The following BAIAP2L1 variants were observed in gnomAD, a reference collection of about 807,000 sequenced individuals.
The protein encoded by BAIAP2L1 is BAR/IMD domain containing adaptor protein 2 like 1.
In BAIAP2L1, 35 loss-of-function variants were observed where a neutral mutation model predicts 66.3. The ratio of observed to expected loss-of-function variants is 0.53; its 90% confidence interval spans 0.40 to 0.70. BAIAP2L1 has a LOEUF of 0.70. Ranked by LOEUF, BAIAP2L1 falls within the 30% of genes least tolerant of loss-of-function variation. The pLI, the probability that BAIAP2L1 is intolerant of heterozygous loss-of-function variation, is 0.00. For synonymous variants in BAIAP2L1, 269 were observed against 248.7 expected, an observed-to-expected ratio of 1.08 and a Z score of -0.77; for missense variants, 622 against 656.9, an observed-to-expected ratio of 0.95 and a Z score of 0.58.
intron 3 of BAIAP2L1, 81 bp downstream of exon 3, chr7:98,354,961 G>C (rs973611001): frequency 2.9e-6 from 3 of 1,032,682 alleles, no homozygotes; most frequent in African/African-American, 1.6e-5. Context: ...CCTCTGTTCT[G>C]GACTGGGCCA....
chr7:98,346,885 C>T (rs1007084061), intron 3 of BAIAP2L1, among the ~76,000 whole-genome samples: 1 of 152,118 alleles, frequency 6.6e-6, no homozygotes, highest in Non-Finnish European at 1.5e-5. Flanking sequence ...CTTTGTGGCA[C>T]TGGATGAACG....
chr7:98,304,476 T>C (rs993344401), intron 11 of BAIAP2L1, 100 bp from the exon 12 acceptor site: 1 of 1,168,750 alleles, frequency 8.6e-7, no homozygotes. Flanking sequence ...TAATAGTACA[T>C]CACCAATCAA....
intron 13 of BAIAP2L1, 75 bp downstream of exon 13, chr7:98,293,999 C>G: frequency 6.6e-7 from 1 of 1,526,658 alleles, no homozygotes; most frequent in Non-Finnish European, 9.1e-7. Context: ...GGCTGGGCAC[C>G]GAAGGCCCTT....
At chr7:98,397,853 C>T (rs971480354) in intron 1 of BAIAP2L1, among the ~76,000 whole-genome samples, 2 of 152,048 alleles carry the variant, frequency 1.3e-5, no homozygotes, top group African/African-American at 4.8e-5. Context: ...CATTTTGGGG[C>T]TTATAACATC....
intron 1 of BAIAP2L1, among the ~76,000 whole-genome samples, chr7:98,380,823 C>G (rs918254547): frequency 7.0e-6 from 1 of 142,170 alleles, no homozygotes; most frequent in Non-Finnish European, 1.5e-5. Context: ...AACCACCCAA[C>G]CCCCGCCCCA....
At chr7:98,389,579 C>T (rs1176911190) in intron 1 of BAIAP2L1, among the ~76,000 whole-genome samples, 9 of 152,202 alleles carry the variant, frequency 5.9e-5, no homozygotes, top group East Asian at 1.9e-4. Flanking sequence ...TGTCAGCCTC[C>T]GAAACTGCTG....
chr7:98,388,188 T>C (rs1033091108), intron 1 of BAIAP2L1, among the ~76,000 whole-genome samples: 2 of 152,208 alleles, frequency 1.3e-5, no homozygotes, highest in East Asian at 1.9e-4. Flanking sequence ...CTGCGTTTAA[T>C]CTTCACAGCA....
intron 1 of BAIAP2L1, among the ~76,000 whole-genome samples, chr7:98,391,914 T>C (rs1427476239): frequency 6.6e-6 from 1 of 152,112 alleles, no homozygotes; most frequent in African/African-American, 2.4e-5. Flanking sequence ...TATGCCTAGT[T>C]ATTAATAGGC....
chr7:98,387,394 C>T (rs888080007), intron 1 of BAIAP2L1, among the ~76,000 whole-genome samples: 3 of 152,116 alleles, frequency 2.0e-5, no homozygotes, highest in African/African-American at 7.2e-5. Flanking sequence ...AAGCTCAGCC[C>T]GTACCTAACA....
intron 5 of BAIAP2L1, 92 bp from the exon 6 acceptor site, chr7:98,317,448 C>G (rs140624061): frequency 2.0e-6 from 3 of 1,496,936 alleles, no homozygotes; most frequent in Non-Finnish European, 2.7e-6. Context: ...GTGTGTGGCT[C>G]AACGGGGCCC....
intron 3 of BAIAP2L1, among the ~76,000 whole-genome samples, chr7:98,349,317 G>C (rs1428221757): frequency 6.6e-6 from 1 of 152,168 alleles, no homozygotes; most frequent in Non-Finnish European, 1.5e-5. Flanking sequence ...GACACATCCG[G>C]AGACCCGTGT....
chr7:98,346,831 AATT>A (rs1801881786), intron 3 of BAIAP2L1, among the ~76,000 whole-genome samples: 1 of 152,206 alleles, frequency 6.6e-6, no homozygotes, highest in Admixed American at 6.5e-5. Flanking sequence ...ACGTAGATGG[AATT>A]AGAGAAGAAA....
chr7:98,365,556 G>A (rs570742911), intron 1 of BAIAP2L1, among the ~76,000 whole-genome samples: 6 of 152,184 alleles, frequency 3.9e-5, no homozygotes, highest in Admixed American at 6.5e-5. Flanking sequence ...CTACAACCTC[G>A]GCCTCCCAGG....
chr7:98,318,690 A>T (rs1465079019), intron 5 of BAIAP2L1, among the ~76,000 whole-genome samples: 1 of 151,274 alleles, frequency 6.6e-6, no homozygotes, highest in Non-Finnish European at 1.5e-5. Context: ...CACGCCTCTA[A>T]TCCCAGCACT....
chr7:98,356,142 G>C (rs1192774620), intron 2 of BAIAP2L1, among the ~76,000 whole-genome samples: 1 of 151,978 alleles, frequency 6.6e-6, no homozygotes, highest in Non-Finnish European at 1.5e-5. Flanking sequence ...AACCTCCAGG[G>C]GCAAATTACT....
rs1245063707 is a variant in BAIAP2L1, at chr7:98,291,693, TATTTAC to T, written c.*1822_*1827del. 3.9e-6 allele frequency: 1 copy of T among 257,656 alleles called. No individual in the cohort carries two copies. The highest frequency in any genetic ancestry group is 2.3e-5 in the African/African-American group (1 of 43,250). 16.0% of individuals were successfully genotyped at this position (257,656 alleles called of 1,614,324 possible). ...TATTATTAAAGTTGTAATCCCTTGA[TATTTAC>T]AGAGCAGGCACCTCGGTGCCAAGGA... On this transcript the variant is annotated 3_prime_UTR_variant, in exon 14 of 14. Coordinates refer to ENST00000005260, the MANE Select transcript of BAIAP2L1 (RefSeq NM_018842.5).
chr7:98,339,700 C>T (rs568882334), intron 3 of BAIAP2L1, among the ~76,000 whole-genome samples: 5 of 152,324 alleles, frequency 3.3e-5, no homozygotes, highest in South Asian at 2.1e-4. Context: ...TGCGTGTGAC[C>T]GCAGCAGCTC....
intron 1 of BAIAP2L1, among the ~76,000 whole-genome samples, chr7:98,394,020 G>A (rs1283934215): frequency 6.6e-6 from 1 of 152,064 alleles, no homozygotes; most frequent in Non-Finnish European, 1.5e-5. Context: ...TAGGCAGGCA[G>A]ATCATGAGGT....
chr7:98,320,589 C>G (rs151075839), intron 3 of BAIAP2L1, among the ~76,000 whole-genome samples: 23 of 152,286 alleles, frequency 1.5e-4, no homozygotes, highest in African/African-American at 5.3e-4. Context: ...ACTGCCTTGG[C>G]CTCTCAAAGT....
Sources: allele counts gnomAD v4.1 joint callset (sites outside exome capture counted in the v4.1 genomes callset), GRCh38; gene constraint gnomAD v4.1.1; transcripts MANE v1.5; gene names NCBI Gene and HGNC (gene_info 2026-07-23, HGNC 2026-07-21).